Variants in KSR1 observed in about 807,000 individuals in gnomAD.
The protein encoded by KSR1 is kinase suppressor of ras.
A neutral mutation model predicts 92.9 loss-of-function variants in KSR1; 35 were observed. The ratio of observed to expected loss-of-function variants is 0.38; its 90% CI spans 0.29 to 0.50. The LOEUF (loss-of-function observed/expected upper bound fraction) is 0.50, where lower values mean the gene tolerates loss of function less well. Among genes scored for constraint, KSR1 ranks in the 20% least tolerant of loss-of-function variants. KSR1 has a pLI of 0.94. For synonymous variants in KSR1, 467 were observed against 472.6 expected, an observed-to-expected ratio of 0.99 and a Z score of 0.15; for missense variants, 972 against 1,158.5, an observed-to-expected ratio of 0.84 and a Z score of 2.34.
At chr17:27,514,288 G>A (rs1032221843) in intron 1 of KSR1, among the ~76,000 whole-genome samples, 2 of 152,252 alleles carry the variant, frequency 1.3e-5, no homozygotes, top group African/African-American at 4.8e-5. Flanking sequence ...TAAGATATTA[G>A]GAGTCATATT....
chr17:27,528,382 G>C (rs1159496843), intron 1 of KSR1, among the ~76,000 whole-genome samples: 3 of 152,156 alleles, frequency 2.0e-5, no homozygotes, highest in Non-Finnish European at 2.9e-5. Flanking sequence ...AACACGTTTA[G>C]TCTTTAACAC....
rs367845235 is a variant in KSR1 at position 27,617,324 on chromosome 17, C to T, written c.2523C>T (p.Asp841=). 3.7e-6 allele frequency: 6 copies of T among 1,610,882 alleles called. No homozygotes were observed. The highest frequency in any genetic ancestry group is 1.3e-5 in the African/African-American group (1 of 74,804). ...SEILSACWAF[D]LQERPSFSLL... is the part of the protein sequence containing the mutation. ...TCCTGTCGGCCTGCTGGGCTTTCGACCTGCAGGAGAGACCCAGCTTCAGCC... is the reference window on the plus strand; with the variant it reads ...TCCTGTCGGCCTGCTGGGCTTTCGATCTGCAGGAGAGACCCAGCTTCAGCC... The change falls in exon 19 of 21, where the codon GAC becomes GAT. Residue 841 remains aspartate, a synonymous_variant. Coordinates refer to ENST00000644974, the MANE Select transcript of KSR1 (RefSeq NM_001394583.1).
At chr17:27,576,599 A>G (rs1403682349) in intron 2 of KSR1, among the ~76,000 whole-genome samples, 2 of 152,152 alleles carry the variant, frequency 1.3e-5, no homozygotes, top group African/African-American at 4.8e-5. Context: ...CTAAGTGACA[A>G]ACAGGCCGGG....
At chr17:27,501,786 G>A (rs139283898) in intron 1 of KSR1, among the ~76,000 whole-genome samples, 29 of 152,322 alleles carry the variant, frequency 1.9e-4, no homozygotes, top group Non-Finnish European at 2.9e-4. Context: ...GGCGTGAGCC[G>A]CTGCACCCAG....
intron 13 of KSR1, 48 bp from the exon 14 acceptor site, chr17:27,605,386 A>G: frequency 6.4e-7 from 1 of 1,567,852 alleles, no homozygotes; most frequent in Admixed American, 2.0e-5. Context: ...GAGACGTCGC[A>G]GAGCCCAGAT....
intron 1 of KSR1, among the ~76,000 whole-genome samples, chr17:27,492,826 T>A (rs1393303412): frequency 6.6e-6 from 1 of 152,216 alleles, no homozygotes; most frequent in Non-Finnish European, 1.5e-5. Flanking sequence ...AAAATGGGGC[T>A]AACAGGATTT....
intron 1 of KSR1, among the ~76,000 whole-genome samples, chr17:27,543,979 G>A (rs531640910): frequency 1.3e-5 from 2 of 152,208 alleles, no homozygotes; most frequent in African/African-American, 4.8e-5. Flanking sequence ...ATTGCCTAGG[G>A]AGGTAATAAG....
intron 10 of KSR1, among the ~76,000 whole-genome samples, chr17:27,599,981 C>T (rs562828988): frequency 6.2e-4 from 95 of 152,228 alleles, no homozygotes; most frequent in Admixed American, 9.8e-4. Context: ...CTTGTCCCAC[C>T]GGAAGGTCTT....
intron 1 of KSR1, among the ~76,000 whole-genome samples, chr17:27,473,686 G>A (rs1221968179): frequency 6.6e-6 from 1 of 152,186 alleles, no homozygotes; most frequent in African/African-American, 2.4e-5. Context: ...TTTAAATACT[G>A]GTGGTACATT....
intron 1 of KSR1, among the ~76,000 whole-genome samples, chr17:27,488,591 G>GC (rs2068734549): frequency 6.6e-6 from 1 of 152,182 alleles, no homozygotes; most frequent in Non-Finnish European, 1.5e-5. Context: ...GAGCACTTTG[G>GC]GAGGCCAAGA....
chr17:27,475,948 T>C (rs1412184340), intron 1 of KSR1, among the ~76,000 whole-genome samples: 2 of 152,234 alleles, frequency 1.3e-5, no homozygotes, highest in Non-Finnish European at 2.9e-5. Flanking sequence ...TATGTGATGA[T>C]ATGTATGCAT....
intron 18 of KSR1, 47 bp from the exon 19 acceptor site, chr17:27,617,248 T>C (rs780861628): frequency 6.4e-7 from 1 of 1,566,858 alleles, no homozygotes; most frequent in Non-Finnish European, 8.7e-7. Flanking sequence ...GTGTGCCCCC[T>C]CCCTCCCAGC....
chr17:27,558,576 A>G (rs962305712), intron 2 of KSR1, among the ~76,000 whole-genome samples: 1 of 152,170 alleles, frequency 6.6e-6, no homozygotes, highest in African/African-American at 2.4e-5. Context: ...CGCCTGGCAC[A>G]TGGAGGCCCT....
At chr17:27,505,054 G>C (rs2069327508) in intron 1 of KSR1, among the ~76,000 whole-genome samples, 1 of 152,224 alleles carries the variant, frequency 6.6e-6, no homozygotes, top group Admixed American at 6.5e-5. Context: ...GGATGGTTCA[G>C]ATCTTCAGGG....
chr17:27,556,601 T>C (rs960165491), intron 2 of KSR1, among the ~76,000 whole-genome samples: 3 of 152,200 alleles, frequency 2.0e-5, no homozygotes, highest in Admixed American at 1.3e-4. Context: ...TTTCTAAACT[T>C]GTACTTGGCT....
At chr17:27,469,118 C>T (rs963940760) in intron 1 of KSR1, among the ~76,000 whole-genome samples, 2 of 152,204 alleles carry the variant, frequency 1.3e-5, no homozygotes, top group Non-Finnish European at 2.9e-5. Context: ...GGCAAACCCT[C>T]ATTTCTGCGG....
intron 17 of KSR1, among the ~76,000 whole-genome samples, chr17:27,610,574 C>T (rs570459978): frequency 1.3e-3 from 205 of 152,274 alleles, no homozygotes; most frequent in Non-Finnish European, 2.4e-3. Flanking sequence ...GATATCCTGC[C>T]GGCTCTGCTA....
chr17:27,520,370 A>C (rs2069971712), intron 1 of KSR1, among the ~76,000 whole-genome samples: 1 of 152,146 alleles, frequency 6.6e-6, no homozygotes, highest in Non-Finnish European at 1.5e-5. Flanking sequence ...AGCAAATGCA[A>C]AGGTAAATTT....
intron 1 of KSR1, chr17:27,465,506 C>T (rs1447101646): frequency 6.6e-6 from 1 of 151,924 alleles, no homozygotes; most frequent in Non-Finnish European, 1.5e-5. Context: ...CATACTGAGA[C>T]TCTGTCTTGT....
Sources: allele counts gnomAD v4.1 joint callset (sites outside exome capture counted in the v4.1 genomes callset), GRCh38; gene constraint gnomAD v4.1.1; transcripts MANE v1.5; gene names NCBI Gene and HGNC (gene_info 2026-07-23, HGNC 2026-07-21).